Variants in ATP6V1B2 observed in about 807,000 individuals in gnomAD.
ATP6V1B2 encodes V-type proton ATPase subunit B, brain isoform.
ATP6V1B2 carries 23 observed loss-of-function variants against 66.7 expected under a neutral mutation model. That is an observed-to-expected ratio of 0.34 (90% CI 0.25 to 0.49). The LOEUF (loss-of-function observed/expected upper bound fraction) is 0.49. ATP6V1B2 is among the 20% of genes least tolerant of loss of function. The pLI is 0.99. For missense variants in ATP6V1B2, 478 were observed against 650.8 expected (o/e 0.73, Z 2.89); for synonymous variants, 278 against 236.7 (o/e 1.17, Z -1.60).
At position 20,205,920 on chromosome 8, in the gene ATP6V1B2, A is replaced by G. The variant is rs545891135; in HGVS notation, c.192+1381A>G. Among the ~76,000 whole-genome samples, 7 of 152,390 alleles carry G rather than the reference A, an allele frequency of 4.6e-5. No individual in the cohort carries two copies. In the South Asian group the frequency reaches 6.2e-4, roughly 14 times the overall value. ...CAGCAAAAGTAGATAATTTGATATTAGAAAATCTAACAATGTAATTCAACA... is the reference window on the plus strand; with the variant it reads ...CAGCAAAAGTAGATAATTTGATATTGGAAAATCTAACAATGTAATTCAACA... On this transcript the variant is annotated intron_variant, in intron 2 of 13. Coordinates refer to ENST00000276390, the MANE Select transcript of ATP6V1B2 (RefSeq NM_001693.4).
chr8:20,209,310 C>T, intron 2 of ATP6V1B2, 123 bp from the exon 3 acceptor site: 1 of 920,164 alleles, frequency 1.1e-6, no homozygotes, highest in Non-Finnish European at 1.6e-6. Flanking sequence ...TCAGCAAAAA[C>T]CTGTGTCTGT....
chr8:20,199,194 A>G (rs2072658683), intron 1 of ATP6V1B2, among the ~76,000 whole-genome samples: 1 of 152,232 alleles, frequency 6.6e-6, no homozygotes, highest in Non-Finnish European at 1.5e-5. Context: ...GTACTTACCC[A>G]GTTGCTGAGG....
chr8:20,198,960 A>G (rs1387432436), intron 1 of ATP6V1B2, among the ~76,000 whole-genome samples: 1 of 152,198 alleles, frequency 6.6e-6, no homozygotes, highest in Non-Finnish European at 1.5e-5. Context: ...ATTCTCTTTT[A>G]TTAATTGCGT....
chr8:20,205,136 A>G (rs2072725563), intron 2 of ATP6V1B2, among the ~76,000 whole-genome samples: 1 of 152,234 alleles, frequency 6.6e-6, no homozygotes, highest in African/African-American at 2.4e-5. Context: ...GTAAAAGAAT[A>G]CAGCCTCCTC....
chr8:20,205,886 G>C (rs1333430221), intron 2 of ATP6V1B2, among the ~76,000 whole-genome samples: 3 of 152,144 alleles, frequency 2.0e-5, no homozygotes, highest in Admixed American at 2.0e-4. Context: ...AAATACCTAT[G>C]TAAAATATCA....
Position 20,216,427 on chromosome 8 carries a change from A to G in ATP6V1B2, c.1093A>G (p.Ile365Val). Reference sequence around the variant, plus strand: ...TCCTCTGGTAGATATCACTCACCCCATCCCAGACTTGACTGGCTACATTAC... The same window carrying G: ...TCCTCTGGTAGATATCACTCACCCCGTCCCAGACTTGACTGGCTACATTAC... ...TMPNDDITHP[I>V]PDLTGYITEG... Residue 365 changes from isoleucine (I) to valine (V), a missense_variant, in exon 11 of 14, where the codon ATC becomes GTC. Physicochemically the swap from Ile to Val is conservative, Grantham distance 29. Around this residue, in one of 2 missense-constraint regions of ATP6V1B2, gnomAD observed 326 missense variants for 545.6 expected, o/e 0.60. Coordinates refer to ENST00000276390, the MANE Select transcript of ATP6V1B2 (RefSeq NM_001693.4). 1 of 1,613,056 alleles carries G rather than the reference A, an allele frequency of 6.2e-7. No individual in the cohort carries two copies. The highest frequency in any genetic ancestry group is 8.5e-7 in the Non-Finnish European group (1 of 1,179,234).
intron 1 of ATP6V1B2, 106 bp from the exon 2 acceptor site, chr8:20,204,378 T>A (rs752380636): frequency 5.7e-5 from 54 of 953,834 alleles, no homozygotes; most frequent in Non-Finnish European, 7.9e-5. Context: ...GTGTACCGTA[T>A]TCTAATAGAC....
At chr8:20,204,211 TC>T (rs2072715761) in intron 1 of ATP6V1B2, 2 of 437,602 alleles carry the variant, frequency 4.6e-6, no homozygotes, top group South Asian at 4.5e-5. Context: ...ACAAGCAGAG[TC>T]TTTCCCTCTG....
At chr8:20,220,099 C>A (rs2072893307) in intron 13 of ATP6V1B2, among the ~76,000 whole-genome samples, 164 bp from the exon 14 acceptor site, 1 of 152,166 alleles carries the variant, frequency 6.6e-6, no homozygotes, top group African/African-American at 2.4e-5. Context: ...TACTCACTGT[C>A]TGTGCCTTCT....
chr8:20,216,308 G>A, intron 10 of ATP6V1B2, 105 bp from the exon 11 acceptor site: 1 of 849,478 alleles, frequency 1.2e-6, no homozygotes, highest in East Asian at 2.5e-5. Context: ...TAATGTTACA[G>A]GTAGTACAGA....
At position 20,210,564 on chromosome 8, in the gene ATP6V1B2, T is replaced by G. The variant is rs1434587313; in HGVS notation, c.386-5T>G. ...ACTCTGTCCTGTCTTCTTACTGATT[T>G]CTAGGTCGGGTATTCAATGGATCGG... On this transcript the variant is annotated splice_region_variant and splice_polypyrimidine_tract_variant and intron_variant, in intron 4 of 13. Transcript: ENST00000276390. 6.2e-7 allele frequency: 1 copy of G among 1,613,794 alleles called. No homozygotes were observed. Among genetic ancestry groups the G allele is most frequent in the Non-Finnish European group, 8.5e-7 (1 of 1,179,744 alleles).
intron 9 of ATP6V1B2, chr8:20,213,288 A>G (rs987634239): frequency 1.2e-5 from 3 of 241,928 alleles, no homozygotes; most frequent in African/African-American, 7.2e-5. Flanking sequence ...TAAAGACCCT[A>G]CTCTCACAGT....
At chr8:20,202,073 G>C (rs996823380) in intron 1 of ATP6V1B2, among the ~76,000 whole-genome samples, 2 of 152,210 alleles carry the variant, frequency 1.3e-5, no homozygotes, top group Non-Finnish European at 2.9e-5. Context: ...TCACCTGTCA[G>C]TACTGCCACA....
intron 1 of ATP6V1B2, among the ~76,000 whole-genome samples, chr8:20,197,939 C>G (rs2072645476): frequency 6.6e-6 from 1 of 152,242 alleles, no homozygotes; most frequent in Admixed American, 6.5e-5. Context: ...CCCTTCTCCC[C>G]TCCCCCTGGT....
chr8:20,211,672 C>T lies in ATP6V1B2; in HGVS notation c.624C>T (p.Arg208=). The T allele has an allele frequency of 2.5e-6, 4 of 1,611,398 alleles. No homozygotes were observed. Among genetic ancestry groups the T allele is most frequent in the Non-Finnish European group, 3.4e-6 (4 of 1,179,392 alleles). ...ATCAGATTGCAGCTCAGATCTGTCG[C>T]CAGGCTGGTTTGGTAAAGAAATCCA... The part of the protein sequence containing the change: ...PHNEIAAQIC[R]QAGLVKKSKD... Residue 208 remains arginine (R), a synonymous_variant, in exon 7 of 14, where the codon CGC becomes CGT. Coordinates refer to ENST00000276390, the MANE Select transcript of ATP6V1B2 (RefSeq NM_001693.4).
chr8:20,209,441 G>A lies in ATP6V1B2; in HGVS notation c.201G>A (p.Arg67=), dbSNP rs953134655. ...LVILDHVKFP[R]YAEIVHLTLP... is the part of the protein sequence containing the mutation. ...TATTTTTTTCTCTTTAGTTTCCCAG[G>A]TATGCTGAAATTGTCCATTTGACCT... Residue 67 remains arginine (R), a synonymous_variant, in exon 3 of 14, where the codon AGG becomes AGA. Transcript: ENST00000276390. 9.3e-6 allele frequency: 15 copies of A among 1,613,676 alleles called. No individual in the cohort carries two copies. Among genetic ancestry groups the A allele is most frequent in the African/African-American group, 4.0e-5 (3 of 74,852 alleles).
chr8:20,211,645 T>G lies in ATP6V1B2; in HGVS notation c.604-7T>G, dbSNP rs2072794310. ...TTTCAACTGAATTCTTCTACTTTGT[T>G]CATCAGATTGCAGCTCAGATCTGTC... On this transcript the variant is annotated splice_polypyrimidine_tract_variant and splice_region_variant and intron_variant, in intron 6 of 13. Coordinates refer to ENST00000276390, the MANE Select transcript of ATP6V1B2 (RefSeq NM_001693.4). 2 of 1,602,474 alleles carry G rather than the reference T, an allele frequency of 1.2e-6. No individual in the cohort carries two copies. Among genetic ancestry groups the G allele is most frequent in the Non-Finnish European group, 1.7e-6 (2 of 1,176,536 alleles).
intron 10 of ATP6V1B2, 69 bp from the exon 11 acceptor site, chr8:20,216,344 A>G (rs981404531): frequency 2.8e-6 from 4 of 1,429,340 alleles, no homozygotes; most frequent in Non-Finnish European, 3.9e-6. Flanking sequence ...TTTGGTTCTG[A>G]GAGATGGCCG....
intron 9 of ATP6V1B2, chr8:20,213,688 G>A (rs2072818896): frequency 1.3e-5 from 2 of 151,984 alleles, no homozygotes; most frequent in South Asian, 2.1e-4. Context: ...TAGAAGTTTT[G>A]GGGTATTTGT....
Sources: gnomAD v4.1 joint callset for allele counts (sites outside exome capture counted in the v4.1 genomes callset) on GRCh38, gnomAD v4.1.1 for gene constraint, gnomAD v4.1.1 regional missense constraint, MANE v1.5 for transcripts, NCBI Gene and HGNC (gene_info 2026-07-23, HGNC 2026-07-21) for gene names.